Variants in ZYG11B observed in about 807,000 individuals in gnomAD.
ZYG11B encodes the protein zyg-11 family member B, cell cycle regulator.
Under a neutral mutation model 82.4 loss-of-function variants are expected in ZYG11B, and 36 were observed. The ratio of observed to expected loss-of-function variants is 0.44; its 90% CI spans 0.33 to 0.58. The LOEUF is 0.58. Ranked by LOEUF, ZYG11B falls within the 20% of genes least tolerant of loss-of-function variation. ZYG11B has a pLI of 0.02. For missense variants in ZYG11B, 552 were observed against 895.6 expected (o/e 0.62, Z 4.90); for synonymous variants, 303 against 312.8 (o/e 0.97, Z 0.33).
At chr1:52,742,919 C>T (rs1447710489) in intron 1 of ZYG11B, among the ~76,000 whole-genome samples, 2 of 151,188 alleles carry the variant, frequency 1.3e-5, no homozygotes, top group East Asian at 3.9e-4. Context: ...GCCAGCCGCC[C>T]CGTCCGGGAG....
At position 52,802,148 on chromosome 1, in the gene ZYG11B, T is replaced by C. The variant is rs914379087; in HGVS notation, c.1695+9T>C. 17 of 1,607,940 alleles carry C rather than the reference T, an allele frequency of 1.1e-5. No homozygotes were observed. The highest frequency in any genetic ancestry group is 2.2e-5 in the East Asian group (1 of 44,808). ...AAGTTCTAGGACTTTTGGTAAGATA[T>C]AAGCACTTCCTGCTAAGTTCCAAGC... On this transcript the variant is annotated intron_variant, in intron 10 of 13. Coordinates refer to ENST00000294353, the MANE Select transcript of ZYG11B (RefSeq NM_024646.3).
intron 2 of ZYG11B, among the ~76,000 whole-genome samples, chr1:52,766,476 C>T (rs978718916): frequency 7.9e-5 from 12 of 151,782 alleles, no homozygotes; most frequent in Non-Finnish European, 1.6e-4. Context: ...CCTTTAAAAT[C>T]GTTGTCAAAT....
intron 2 of ZYG11B, among the ~76,000 whole-genome samples, chr1:52,769,500 G>T (rs1644727858): frequency 6.6e-6 from 1 of 152,086 alleles, no homozygotes. Context: ...ACCTCACTTT[G>T]TACCACCTGC....
At chr1:52,800,680 G>A (rs1294543352) in intron 8 of ZYG11B, among the ~76,000 whole-genome samples, 1 of 152,012 alleles carries the variant, frequency 6.6e-6, no homozygotes, top group Non-Finnish European at 1.5e-5. Flanking sequence ...GTGGTGGCAT[G>A]CGCCTGTAAT....
intron 8 of ZYG11B, among the ~76,000 whole-genome samples, chr1:52,798,117 G>A (rs1050416644): frequency 1.3e-5 from 2 of 149,966 alleles, no homozygotes; most frequent in Admixed American, 6.6e-5. Context: ...AGTGAGACCC[G>A]TTCTCAAAAC....
At chr1:52,759,658 A>C (rs949798421) in intron 2 of ZYG11B, among the ~76,000 whole-genome samples, 1 of 152,176 alleles carries the variant, frequency 6.6e-6, no homozygotes, top group Non-Finnish European at 1.5e-5. Context: ...TATACAAATC[A>C]TTTCCATCTT....
chr1:52,812,209 A>T (rs1271326293), intron 10 of ZYG11B, among the ~76,000 whole-genome samples: 1 of 151,926 alleles, frequency 6.6e-6, no homozygotes, highest in Non-Finnish European at 1.5e-5. Flanking sequence ...GTTATGAATC[A>T]TATTTTTCTG....
chr1:52,756,252 A>G (rs983842919), intron 1 of ZYG11B, among the ~76,000 whole-genome samples: 12 of 152,180 alleles, frequency 7.9e-5, no homozygotes, highest in African/African-American at 2.7e-4. Flanking sequence ...GGCTGTATGT[A>G]AATGTTTGTT....
chr1:52,779,756 C>A, intron 3 of ZYG11B, 97 bp from the exon 4 acceptor site: 1 of 1,477,900 alleles, frequency 6.8e-7, no homozygotes, highest in Non-Finnish European at 9.2e-7. Flanking sequence ...TCCCAAAGTA[C>A]TGGGATTACA....
chr1:52,782,721 G>A (rs960029641), intron 4 of ZYG11B, among the ~76,000 whole-genome samples: 3 of 151,998 alleles, frequency 2.0e-5, no homozygotes, highest in African/African-American at 7.2e-5. Flanking sequence ...AGGACTACAG[G>A]CCCATGCAAC....
At chr1:52,745,331 A>G (rs10158562) in intron 1 of ZYG11B, among the ~76,000 whole-genome samples, 18,667 of 152,146 alleles carry the variant, frequency 0.12, 2,596 homozygotes, top group East Asian at 0.35. Flanking sequence ...AAAGAAAGCT[A>G]TGAGAAGGTT....
At chr1:52,739,078 C>T (rs948873825) in intron 1 of ZYG11B, among the ~76,000 whole-genome samples, 4 of 149,126 alleles carry the variant, frequency 2.7e-5, no homozygotes, top group African/African-American at 9.9e-5. Context: ...ACCTCCGCCT[C>T]CCGGGGTCAA....
intron 2 of ZYG11B, among the ~76,000 whole-genome samples, chr1:52,761,929 A>T (rs959253289): frequency 7.9e-5 from 12 of 152,028 alleles, no homozygotes; most frequent in African/African-American, 2.7e-4. Context: ...ATGTTTAGCA[A>T]TTTTTTTATA....
At position 52,726,462 on chromosome 1, in the gene ZYG11B, G is replaced by A. The variant is rs1281505913; in HGVS notation, c.-192G>A. On this transcript the variant is annotated 5_prime_UTR_variant, in exon 1 of 14. Coordinates refer to ENST00000294353, the MANE Select transcript of ZYG11B (RefSeq NM_024646.3). ...GGGTCCTCGCGGGGGCGGAGTCTGCGCTCTGGTTCGGGCTGCGGCTGCGGC... is the reference window on the plus strand; with the variant it reads ...GGGTCCTCGCGGGGGCGGAGTCTGCACTCTGGTTCGGGCTGCGGCTGCGGC... The A allele has an allele frequency of 1.4e-5, 7 of 484,882 alleles. No individual in the cohort carries two copies. Among genetic ancestry groups the A allele is most frequent in the Middle Eastern group, 6.1e-4 (1 of 1,648 alleles). 30.0% of individuals were successfully genotyped at this position (484,882 alleles called of 1,614,324 possible).
intron 3 of ZYG11B, among the ~76,000 whole-genome samples, chr1:52,777,356 C>T (rs1398811891): frequency 1.3e-5 from 2 of 152,202 alleles, no homozygotes; most frequent in African/African-American, 4.8e-5. Context: ...ATTTCAGACT[C>T]TTGTAGCATA....
At chr1:52,762,834 G>C (rs1379308637) in intron 2 of ZYG11B, among the ~76,000 whole-genome samples, 7 of 151,984 alleles carry the variant, frequency 4.6e-5, no homozygotes, top group Admixed American at 4.6e-4. Flanking sequence ...TGCCAACCTC[G>C]GCCTCCCAAA....
chr1:52,729,185 C>G (rs1244132015), intron 1 of ZYG11B, among the ~76,000 whole-genome samples: 5 of 152,110 alleles, frequency 3.3e-5, no homozygotes, highest in Non-Finnish European at 5.9e-5. Context: ...CCAGGCAGCT[C>G]TCTGGAGTCT....
At chr1:52,744,840 C>CA (rs1057077111) in intron 1 of ZYG11B, among the ~76,000 whole-genome samples, 10 of 151,272 alleles carry the variant, frequency 6.6e-5, no homozygotes, top group African/African-American at 1.2e-4. Flanking sequence ...GACTCCATAT[C>CA]AAAAAAAAAA....
Position 52,790,039 on chromosome 1 carries a change from CG to C in ZYG11B, c.1308del (p.Ile437SerfsTer64). On this transcript the variant is annotated frameshift_variant, in exon 6 of 14. Coordinates refer to ENST00000294353, the MANE Select transcript of ZYG11B (RefSeq NM_024646.3). LOFTEE classifies it high-confidence loss of function. ...KNCLLSLCSD[R>X]ILQDVPFNRF... is the part of the protein sequence containing the mutation. ...TTGCCTCCTTTCACTTTGCAGTGACCGGATCCTTCAAGATGTTCCATTTAAC... is the reference window on the plus strand; with the variant it reads ...TTGCCTCCTTTCACTTTGCAGTGACCGATCCTTCAAGATGTTCCATTTAAC... 6.3e-7 allele frequency: 1 copy of C among 1,593,850 alleles called. No individual in the cohort carries two copies. The highest frequency in any genetic ancestry group is 8.6e-7 in the Non-Finnish European group (1 of 1,168,602).
Sources: allele counts gnomAD v4.1 joint callset (sites outside exome capture counted in the v4.1 genomes callset), GRCh38; gene constraint gnomAD v4.1.1; transcripts MANE v1.5; gene names NCBI Gene and HGNC (gene_info 2026-07-23, HGNC 2026-07-21).